WNT7B: variants seen among roughly 807,000 people sequenced by gnomAD.
WNT7B encodes protein Wnt-7b.
WNT7B carries 19 observed loss-of-function variants against 38.2 expected under a neutral mutation model. The ratio of observed to expected loss-of-function variants is 0.50; its 90% CI spans 0.35 to 0.73. WNT7B has a LOEUF of 0.73. Among genes scored for constraint, WNT7B ranks in the 30% least tolerant of loss-of-function variants. The pLI, the probability that WNT7B is intolerant of heterozygous loss-of-function variation, is 0.01. For missense variants in WNT7B, 423 were observed against 507.9 expected (o/e 0.83, Z 1.61); for synonymous variants, 243 against 209.3 (o/e 1.16, Z -1.39).
In WNT7B at chr22:45,923,294, G is replaced by C. The variant is rs759932036; in HGVS notation, c.612C>G (p.Gly204=). 6.2e-7 allele frequency: 1 copy of C among 1,612,492 alleles called. No individual in the cohort carries two copies. The highest frequency in any genetic ancestry group is 1.7e-5 in the Admixed American group (1 of 59,980). The part of the protein sequence containing the change: ...DRMQLECKCH[G]VSGSCTTKTC... ...TTTTGGTGGTGCAGGAGCCAGACAC[G>C]CCGTGGCACTTGCACTCCAGCTGCA... Residue 204 remains glycine (G), a synonymous_variant, in exon 4 of 4, where the codon GGC becomes GGG. Transcript: ENST00000339464.
chr22:45,962,056 C>T (rs868519861), intron 1 of WNT7B, among the ~76,000 whole-genome samples: 27 of 152,266 alleles, frequency 1.8e-4, no homozygotes, highest in African/African-American at 5.1e-4. Context: ...GCGCCCCCGG[C>T]GGGCGGCTGC....
Position 45,976,924 on chromosome 22 carries a change from G to C in WNT7B, c.-170C>G. ...TCGGCGCGCGCTGCCACCATGGTGA[G>C]CCCGGGATGCCGCCGCCGCCACCGC... On this transcript the variant is annotated 5_prime_UTR_variant, in exon 1 of 4. Transcript: ENST00000339464. The surrounding 1 kb of genome is among the most constrained non-coding windows in gnomAD (Gnocchi z 8.5). 1.0e-6 allele frequency: 1 copy of C among 990,856 alleles called. No homozygotes were observed. Among genetic ancestry groups the C allele is most frequent in the Non-Finnish European group, 1.2e-6 (1 of 833,994 alleles). 61.4% of individuals were successfully genotyped at this position (990,856 alleles called of 1,614,324 possible).
At chr22:45,941,886 G>C (rs901567120) in intron 2 of WNT7B, among the ~76,000 whole-genome samples, 1 of 152,188 alleles carries the variant, frequency 6.6e-6, no homozygotes, top group South Asian at 2.1e-4. Flanking sequence ...GGGAGCTTTT[G>C]TGAGATAGAC....
chr22:45,937,586 T>TG (rs57796504), intron 2 of WNT7B, among the ~76,000 whole-genome samples: 17,866 of 152,240 alleles, frequency 0.12, 1,850 homozygotes, highest in African/African-American at 0.28. Flanking sequence ...CACGTGTCCC[T>TG]GGCGTACACC....
rs913003137 is a variant in WNT7B, at chr22:45,976,509, G to C, written c.71+175C>G. On this transcript the variant is annotated intron_variant, in intron 1 of 3. Transcript: ENST00000339464. The surrounding 1 kb of genome is among the most constrained non-coding windows in gnomAD (Gnocchi z 8.5). ...TCGGCGCCTCTCGGGAGCTCAGGGGGTTGGGCTGCGTCTCTGCTGGCGTGG... is the reference window on the plus strand; with the variant it reads ...TCGGCGCCTCTCGGGAGCTCAGGGGCTTGGGCTGCGTCTCTGCTGGCGTGG... 4.0e-5 allele frequency among the ~76,000 whole-genome samples: 6 copies of C among 151,898 alleles called. No individual in the cohort carries two copies. Among genetic ancestry groups the C allele is most frequent in the African/African-American group, 1.4e-4 (6 of 41,428 alleles).
intron 2 of WNT7B, among the ~76,000 whole-genome samples, chr22:45,942,560 T>C (rs1187050213): frequency 1.3e-5 from 2 of 152,346 alleles, no homozygotes; most frequent in South Asian, 2.1e-4. Context: ...CTCGCCTGCC[T>C]GGCCCTGCTG....
rs1322610809 is a variant in WNT7B at position 45,951,733 on chromosome 22, G to C, written c.72-1587C>G. Among the ~76,000 whole-genome samples the C allele has an allele frequency of 6.6e-6, 1 of 152,084 alleles. No homozygotes were observed. The highest frequency in any genetic ancestry group is 1.5e-5 in the Non-Finnish European group (1 of 68,014). On this transcript the variant is annotated intron_variant, in intron 1 of 3. Transcript: ENST00000339464. This position sits in a 1 kb window ranked among gnomAD's most constrained non-coding sequence, Gnocchi z 4.8. ...GGTCAGTGCTTCATGCGTTTGTAAG[G>C]CTGAGTGATATTCCATTGTGTGGAC...
At position 45,931,441 on chromosome 22, in the gene WNT7B, C is replaced by T. The variant is rs535894579; in HGVS notation, c.299-72G>A. On this transcript the variant is annotated intron_variant, in intron 2 of 3. Transcript: ENST00000339464. ...CAGGTGGGCTCAGGGGACAGGGTGC[C>T]GGGCCTCGATCCACCTGCTGTTGGC... 757 of 1,465,604 alleles carry T rather than the reference C, an allele frequency of 5.2e-4. 1 individual carries two copies. The highest frequency in any genetic ancestry group is 1.3e-3 in the Middle Eastern group (5 of 3,988). 90.8% of individuals were successfully genotyped at this position (1,465,604 alleles called of 1,614,324 possible).
intron 3 of WNT7B, among the ~76,000 whole-genome samples, chr22:45,929,973 C>T (rs1051629717): frequency 6.6e-6 from 1 of 151,802 alleles, no homozygotes; most frequent in Admixed American, 6.6e-5. Flanking sequence ...TCTATCCATC[C>T]ATCCAACAAT....
At chr22:45,967,245 C>T (rs1025762380) in intron 1 of WNT7B, among the ~76,000 whole-genome samples, 1 of 152,228 alleles carries the variant, frequency 6.6e-6, no homozygotes, top group African/African-American at 2.4e-5. Context: ...GCTGAAGGAG[C>T]CCTGGGCCGG....
chr22:45,972,246 G>C (rs182360930), intron 1 of WNT7B: 1 of 641,086 alleles, frequency 1.6e-6, no homozygotes, highest in Non-Finnish European at 2.9e-6. Context: ...ATGGTGGGCC[G>C]GCGTGCCTGG....
At chr22:45,937,526 G>A (rs536912303) in intron 2 of WNT7B, among the ~76,000 whole-genome samples, 35 of 152,312 alleles carry the variant, frequency 2.3e-4, no homozygotes, top group Admixed American at 7.2e-4. Flanking sequence ...TGGGATCTTC[G>A]TGGGCAGACA....
At chr22:45,943,710 T>G (rs1165868582) in intron 2 of WNT7B, among the ~76,000 whole-genome samples, 1 of 152,140 alleles carries the variant, frequency 6.6e-6, no homozygotes, top group Admixed American at 6.5e-5. Context: ...ATGGTCTCCT[T>G]GGGAGCCTCA....
At chr22:45,953,062 G>A (rs111710479) in intron 1 of WNT7B, among the ~76,000 whole-genome samples, 11,267 of 151,710 alleles carry the variant, frequency 0.074, 1,011 homozygotes, top group African/African-American at 0.22. Flanking sequence ...TGGCACTGAG[G>A]GGGAGCGCGG....
Position 45,921,650 on chromosome 22 carries a change from A to C in WNT7B, c.*1206T>G, listed in dbSNP as rs1162561732. On this transcript the variant is annotated 3_prime_UTR_variant, in exon 4 of 4. Coordinates refer to ENST00000339464, the MANE Select transcript of WNT7B (RefSeq NM_058238.3). ...CAGGGGTCAGGCTGGCTCCAGGGGG[A>C]AGGGGGTCTCTGTAAACTGGAGGTG... 1 of 151,928 alleles carries C rather than the reference A, an allele frequency of 6.6e-6. No homozygotes were observed. The highest frequency in any genetic ancestry group is 1.9e-4 in the East Asian group (1 of 5,166). The allele number at this position is 151,928 out of a possible 1,614,324, so 9.4% of individuals were successfully genotyped here. A position where few individuals can be genotyped will look rare whatever the true frequency, so the allele number is the denominator to read the frequency against.
rs1932288673 is a variant in WNT7B, at chr22:45,965,322, T to G, written c.71+11362A>C. Among the ~76,000 whole-genome samples, 1 of 152,174 alleles carries G rather than the reference T, an allele frequency of 6.6e-6. No homozygotes were observed. The highest frequency in any genetic ancestry group is 1.5e-5 in the Non-Finnish European group (1 of 68,042). On this transcript the variant is annotated intron_variant, in intron 1 of 3. Transcript: ENST00000339464. This position sits in a 1 kb window ranked among gnomAD's most constrained non-coding sequence, Gnocchi z 6.5. Reference sequence around the variant, plus strand: ...CTGCTGTGGGTCCCACAGGGCTTTGTGTCAACGACGCTGGAAGGCAGGGCG... The same window carrying G: ...CTGCTGTGGGTCCCACAGGGCTTTGGGTCAACGACGCTGGAAGGCAGGGCG...
chr22:45,972,108 C>CGGGGGGTGGGGGGGGG, intron 1 of WNT7B: 1 of 579,230 alleles, frequency 1.7e-6, no homozygotes, highest in South Asian at 1.9e-5. Context: ...GCTGGAGGCC[C>CGGGGGGTGGGGGGGGG]GGGGGGAGCC....
intron 2 of WNT7B, among the ~76,000 whole-genome samples, chr22:45,941,167 G>GA (rs1410446568): frequency 1.3e-5 from 2 of 152,196 alleles, no homozygotes; most frequent in East Asian, 3.9e-4. Flanking sequence ...TCTCAGCGTA[G>GA]AGCTAACGGG....
intron 1 of WNT7B, among the ~76,000 whole-genome samples, chr22:45,967,210 C>A (rs1413403642): frequency 6.6e-6 from 1 of 152,240 alleles, no homozygotes; most frequent in Non-Finnish European, 1.5e-5. Context: ...GGGCGGCCCG[C>A]ACCACACAAT....
Sources: allele counts gnomAD v4.1 joint callset (sites outside exome capture counted in the v4.1 genomes callset), GRCh38; gene constraint gnomAD v4.1.1; non-coding constraint Gnocchi (gnomAD v3.1); transcripts MANE v1.5; gene names NCBI Gene and HGNC (gene_info 2026-07-23, HGNC 2026-07-21).